The following HEMK2 variants were observed in gnomAD, a reference collection of about 807,000 sequenced individuals.
HEMK2 encodes the protein HemK methyltransferase 2, ETF1 glutamine and histone H4 lysine.
At chr21:28,683,257 T>C in the HEMK2 span, among the ~76,000 whole-genome samples, 2 of 152,048 alleles carry the variant, frequency 1.3e-5, no homozygotes, top group Non-Finnish European at 2.9e-5. Flanking sequence ...AACACTGAGG[T>C]ATACTAATAA....
At chr21:28,640,447 G>A in the HEMK2 span, among the ~76,000 whole-genome samples, 152,252 of 152,348 alleles carry the variant, frequency 1, 76,078 homozygotes, top group Middle Eastern at 1. Flanking sequence ...AGCTGTTTAC[G>A]TAATAATTCA....
chr21:28,859,098 T>C, the HEMK2 span, among the ~76,000 whole-genome samples: 1 of 152,240 alleles, frequency 6.6e-6, no homozygotes, highest in Non-Finnish European at 1.5e-5. Flanking sequence ...TTGTTTGTTA[T>C]TTCTACCTAG....
the HEMK2 span, among the ~76,000 whole-genome samples, chr21:28,877,473 G>C: frequency 6.8e-6 from 1 of 146,940 alleles, no homozygotes; most frequent in Non-Finnish European, 1.5e-5. Flanking sequence ...AAAAAAAGAA[G>C]AGAAGAGAAA....
chr21:28,750,700 C>CAAAAAAA, the HEMK2 span, among the ~76,000 whole-genome samples: 2 of 80,382 alleles, frequency 2.5e-5, no homozygotes, highest in African/African-American at 4.6e-5. Flanking sequence ...GGCTCCATCT[C>CAAAAAAA]AAAAAAAAAA....
At chr21:28,762,211 C>T in the HEMK2 span, among the ~76,000 whole-genome samples, 1 of 152,084 alleles carries the variant, frequency 6.6e-6, no homozygotes, top group African/African-American at 2.4e-5. Flanking sequence ...TGTTTCACAG[C>T]ATTTATTAAT....
chr21:28,793,904 G>A, the HEMK2 span, among the ~76,000 whole-genome samples: 1 of 152,190 alleles, frequency 6.6e-6, no homozygotes, highest in Non-Finnish European at 1.5e-5. Context: ...GAAGCTGAAA[G>A]AGGCAAGAAA....
At chr21:28,681,631 C>T in the HEMK2 span, among the ~76,000 whole-genome samples, 111 of 152,280 alleles carry the variant, frequency 7.3e-4, no homozygotes, top group African/African-American at 2.3e-3. Flanking sequence ...GGAGGCATCA[C>T]GCTACCTGAC....
the HEMK2 span, among the ~76,000 whole-genome samples, chr21:28,856,952 C>T: frequency 6.6e-6 from 1 of 152,178 alleles, no homozygotes; most frequent in Non-Finnish European, 1.5e-5. Flanking sequence ...GTTCATTCCC[C>T]TAGGAAAGTG....
the HEMK2 span, among the ~76,000 whole-genome samples, chr21:28,879,101 T>TTTG: frequency 5.2e-5 from 2 of 38,516 alleles, no homozygotes; most frequent in African/African-American, 6.3e-5. Flanking sequence ...TTTTTTTTTT[T>TTTG]AGAGACAGGG....
the HEMK2 span, among the ~76,000 whole-genome samples, chr21:28,648,361 C>T: frequency 6.6e-6 from 1 of 152,106 alleles, no homozygotes; most frequent in Admixed American, 6.5e-5. Context: ...GGTGTTTTGG[C>T]TCAATAGAAA....
the HEMK2 span, among the ~76,000 whole-genome samples, chr21:28,676,278 G>A: frequency 6.6e-6 from 1 of 152,156 alleles, no homozygotes; most frequent in Admixed American, 6.5e-5. Flanking sequence ...AGATTCCTGT[G>A]TCTACACATG....
At chr21:28,804,153 C>G in the HEMK2 span, among the ~76,000 whole-genome samples, 110 of 152,306 alleles carry the variant, frequency 7.2e-4, no homozygotes, top group African/African-American at 2.5e-3. Flanking sequence ...TTAGCTTTAT[C>G]TCCAAAAGAT....
At chr21:28,866,919 C>T in the HEMK2 span, among the ~76,000 whole-genome samples, 1 of 151,924 alleles carries the variant, frequency 6.6e-6, no homozygotes, top group Admixed American at 6.6e-5. Flanking sequence ...GGCTAATAAA[C>T]ATATGAAAAT....
the HEMK2 span, among the ~76,000 whole-genome samples, chr21:28,729,365 T>C: frequency 6.6e-6 from 1 of 152,126 alleles, no homozygotes; most frequent in Non-Finnish European, 1.5e-5. Context: ...AAAATGTTTG[T>C]GAATGGGCTT....
At chr21:28,669,032 G>A in the HEMK2 span, among the ~76,000 whole-genome samples, 1 of 152,150 alleles carries the variant, frequency 6.6e-6, no homozygotes, top group African/African-American at 2.4e-5. Context: ...AAGAAGGGAA[G>A]ATGACACAAC....
the HEMK2 span, among the ~76,000 whole-genome samples, chr21:28,867,260 GA>G: frequency 6.6e-6 from 1 of 152,166 alleles, no homozygotes. Context: ...ACCAAAGTAT[GA>G]ATAAATGAAT....
At chr21:28,637,247 T>G in the HEMK2 span, among the ~76,000 whole-genome samples, 1 of 152,190 alleles carries the variant, frequency 6.6e-6, no homozygotes, top group Non-Finnish European at 1.5e-5. Flanking sequence ...TGTATGATAT[T>G]AGGGTGGTGA....
the HEMK2 span, among the ~76,000 whole-genome samples, chr21:28,880,928 T>TAAAAAA: frequency 1.5e-3 from 160 of 104,342 alleles, 4 homozygotes; most frequent in South Asian, 8.8e-3. Context: ...ATCATTTATT[T>TAAAAAA]AAAAAAAAAA....
the HEMK2 span, among the ~76,000 whole-genome samples, chr21:28,656,728 C>G: frequency 3.9e-5 from 6 of 152,090 alleles, no homozygotes; most frequent in African/African-American, 1.4e-4. Context: ...AAAGAGTCCA[C>G]ATGCCACTGT....
Sources: allele counts gnomAD v4.1 joint callset (sites outside exome capture counted in the v4.1 genomes callset), GRCh38; gene constraint gnomAD v4.1.1; transcripts MANE v1.5; gene names NCBI Gene and HGNC (gene_info 2026-07-23, HGNC 2026-07-21).